PSEN1: variants seen among roughly 807,000 people sequenced by gnomAD.
PSEN1 encodes presenilin 1.
PSEN1 carries 15 observed loss-of-function variants against 53.5 expected under a neutral mutation model. That is an observed-to-expected ratio of 0.28 (90% CI 0.19 to 0.43). The LOEUF is 0.43. PSEN1 is among the 20% of genes least tolerant of loss of function. The probability of loss-of-function intolerance (pLI) is 1.00; values close to 1 mark genes in which losing one functional copy is unlikely to be tolerated. For missense variants in PSEN1, 387 were observed against 571.2 expected (o/e 0.68, Z 3.29); for synonymous variants, 208 against 209.8 (o/e 0.99, Z 0.08).
chr14:73,145,300 A>C (rs902421671), intron 1 of PSEN1, among the ~76,000 whole-genome samples: 1 of 152,012 alleles, frequency 6.6e-6, no homozygotes, highest in Non-Finnish European at 1.5e-5. Context: ...TGAGAGTTCT[A>C]TGGGTTTTTC....
chr14:73,148,945 T>C (rs1342084877), intron 3 of PSEN1, among the ~76,000 whole-genome samples: 2 of 151,234 alleles, frequency 1.3e-5, no homozygotes, highest in Admixed American at 6.6e-5. Flanking sequence ...AATAAATAAA[T>C]AAACAATAAA....
At chr14:73,150,763 TCAA>T (rs1566618761) in intron 3 of PSEN1, among the ~76,000 whole-genome samples, 1 of 33,872 alleles carries the variant, frequency 3.0e-5, no homozygotes. Context: ...AGACTCTGTC[TCAA>T]AAAAAAAAAA....
At chr14:73,137,208 C>A (rs1896772543) in intron 1 of PSEN1, 1 of 152,374 alleles carries the variant, frequency 6.6e-6, no homozygotes, top group Non-Finnish European at 1.5e-5. Context: ...ATTGAGGTGA[C>A]TTTTCCATAA....
intron 11 of PSEN1, among the ~76,000 whole-genome samples, chr14:73,218,018 C>A (rs1225509559): frequency 6.6e-6 from 1 of 151,352 alleles, no homozygotes; most frequent in South Asian, 2.1e-4. Context: ...GAACTCCTGA[C>A]CTCAAGTGAT....
chr14:73,145,185 G>A (rs35891140), intron 1 of PSEN1, among the ~76,000 whole-genome samples: 19,985 of 152,046 alleles, frequency 0.13, 1,687 homozygotes, highest in South Asian at 0.24. Flanking sequence ...GAGCCACTGC[G>A]TCCGGCCTAC....
chr14:73,195,791 C>T lies in PSEN1; in HGVS notation c.770-2240C>T, dbSNP rs192323592. On this transcript the variant is annotated intron_variant, in intron 7 of 11. Coordinates refer to ENST00000324501, the MANE Select transcript of PSEN1 (RefSeq NM_000021.4). ...GCAGCCTCCCAAAGTGCTGAGATTA[C>T]AGGTGTGAGCCACTATACCCAGCCC... is the stretch of plus-strand genomic sequence containing the variant. 7.0e-4 allele frequency among the ~76,000 whole-genome samples: 106 copies of T among 152,222 alleles called. 1 individual carries two copies. The highest frequency in any genetic ancestry group is 2.1e-3 in the African/African-American group (88 of 41,534).
At chr14:73,175,815 G>A (rs1275130256) in intron 5 of PSEN1, among the ~76,000 whole-genome samples, 2 of 152,144 alleles carry the variant, frequency 1.3e-5, no homozygotes, top group Admixed American at 6.5e-5. Flanking sequence ...CCTAGAAGTA[G>A]AATTTTTGGG....
intron 4 of PSEN1, 117 bp from the exon 5 acceptor site, chr14:73,173,449 G>T: frequency 9.5e-7 from 1 of 1,054,370 alleles, no homozygotes; most frequent in Non-Finnish European, 1.4e-6. Flanking sequence ...TTGGGGAAAA[G>T]TGACTTATAA....
At chr14:73,198,488 C>T (rs1899047913) in intron 8 of PSEN1, among the ~76,000 whole-genome samples, 2 of 152,102 alleles carry the variant, frequency 1.3e-5, no homozygotes, top group South Asian at 4.1e-4. Context: ...GATTGTTGAG[C>T]AGAAGGGTAA....
chr14:73,137,952 C>T (rs1199565300), intron 1 of PSEN1, among the ~76,000 whole-genome samples: 1 of 151,712 alleles, frequency 6.6e-6, no homozygotes, highest in Non-Finnish European at 1.5e-5. Context: ...CCTGTAGTCC[C>T]AGCTGCTCCC....
chr14:73,188,478 AC>A (rs1407940849), intron 6 of PSEN1, among the ~76,000 whole-genome samples: 1 of 152,090 alleles, frequency 6.6e-6, no homozygotes, highest in Non-Finnish European at 1.5e-5. Flanking sequence ...ACATAACAAG[AC>A]TTTGCCTCTA....
chr14:73,137,638 T>TGTGGTTGGAGAAC (rs1896782823), intron 1 of PSEN1, among the ~76,000 whole-genome samples: 1 of 152,002 alleles, frequency 6.6e-6, no homozygotes, highest in Non-Finnish European at 1.5e-5. Context: ...CTGAGGAGAA[T>TGTGGTTGGAGAAC]GAGTGTGGTT....
intron 5 of PSEN1, among the ~76,000 whole-genome samples, chr14:73,185,147 T>A: frequency 7.1e-6 from 1 of 141,384 alleles, no homozygotes; most frequent in Admixed American, 7.1e-5. Flanking sequence ...GAGGGGCTCC[T>A]CACATCCCAG....
At chr14:73,184,214 A>C (rs1251800916) in intron 5 of PSEN1, among the ~76,000 whole-genome samples, 1 of 58,840 alleles carries the variant, frequency 1.7e-5, no homozygotes, top group Admixed American at 1.8e-4. Flanking sequence ...TGACCCCCCC[A>C]CCTCCCTCCC....
intron 3 of PSEN1, among the ~76,000 whole-genome samples, chr14:73,159,208 G>A (rs1897456019): frequency 6.7e-6 from 1 of 149,528 alleles, no homozygotes; most frequent in South Asian, 2.1e-4. Context: ...AAGAGACAGA[G>A]TCTTGCCCTG....
chr14:73,179,483 G>C (rs907681909), intron 5 of PSEN1, among the ~76,000 whole-genome samples: 5 of 152,180 alleles, frequency 3.3e-5, no homozygotes, highest in Non-Finnish European at 2.9e-5. Flanking sequence ...CAGGCATGGT[G>C]GTGGGCACCT....
At chr14:73,191,656 C>T (rs904471083) in intron 6 of PSEN1, among the ~76,000 whole-genome samples, 5 of 152,068 alleles carry the variant, frequency 3.3e-5, no homozygotes, top group African/African-American at 1.2e-4. Context: ...AAGCTATCTT[C>T]CTGCCCCAGC....
intron 9 of PSEN1, 22 bp from the exon 10 acceptor site, chr14:73,211,747 T>C (rs758038439): frequency 2.9e-5 from 46 of 1,613,754 alleles, no homozygotes; most frequent in Non-Finnish European, 3.9e-5. Flanking sequence ...ATTAGAGCTG[T>C]AACTTCCACT....
chr14:73,181,852 C>T (rs1898224437), intron 5 of PSEN1, among the ~76,000 whole-genome samples: 1 of 152,158 alleles, frequency 6.6e-6, no homozygotes, highest in South Asian at 2.1e-4. Context: ...CGGCTCACTG[C>T]ACCCTATACC....
Sources: gnomAD v4.1 joint callset for allele counts (sites outside exome capture counted in the v4.1 genomes callset) on GRCh38, gnomAD v4.1.1 for gene constraint, MANE v1.5 for transcripts, NCBI Gene and HGNC (gene_info 2026-07-23, HGNC 2026-07-21) for gene names.